TOX: variants seen among roughly 807,000 people sequenced by gnomAD.
TOX encodes the protein thymocyte selection associated high mobility group box, also known as thymocyte selection-associated high mobility group box protein TOX.
TOX carries 11 observed loss-of-function variants against 53.7 expected under a neutral mutation model. The observed-to-expected ratio is 0.20, with a 90% CI of 0.13 to 0.34. TOX has a LOEUF of 0.34. TOX is among the 10% of genes least tolerant of loss of function. The pLI is 1.00. For synonymous variants in TOX, 225 were observed against 245.3 expected (o/e 0.92, Z 0.77); for missense variants, 570 against 664.6 (o/e 0.86, Z 1.56).
chr8:59,109,505 T>C (rs1231836552), intron 1 of TOX, among the ~76,000 whole-genome samples: 1 of 152,082 alleles, frequency 6.6e-6, no homozygotes, highest in Non-Finnish European at 1.5e-5. Context: ...CTTTGCTATG[T>C]TGATTAGTGG....
intron 1 of TOX, among the ~76,000 whole-genome samples, chr8:59,110,298 C>A (rs1383060185): frequency 2.0e-5 from 3 of 152,070 alleles, no homozygotes; most frequent in Non-Finnish European, 2.9e-5. Flanking sequence ...GGTTATCCTG[C>A]CTCTTTATTA....
At chr8:58,880,332 T>A (rs1413702764) in intron 3 of TOX, among the ~76,000 whole-genome samples, 6 of 152,200 alleles carry the variant, frequency 3.9e-5, no homozygotes, top group African/African-American at 1.4e-4. Flanking sequence ...AAATGTAAGA[T>A]GGGACATCAT....
In TOX at chr8:58,851,162, C is replaced by CTG. The variant is rs1810809532; in HGVS notation, c.693+361_693+362insCA. ...ATACATCTCCTCTCTCTCTCTGTCT[C>CTG]TCTCTCTCTCTCTCTCTCTCTCTCA... On this transcript the variant is annotated intron_variant, in intron 4 of 8. Coordinates refer to ENST00000361421, the MANE Select transcript of TOX (RefSeq NM_014729.3). This position sits in a 1 kb window ranked among gnomAD's most constrained non-coding sequence, Gnocchi z 4.4. Among the ~76,000 whole-genome samples, 1 of 131,826 alleles carries CTG rather than the reference C, an allele frequency of 7.6e-6. No homozygotes were observed. The highest frequency in any genetic ancestry group is 3.2e-5 in the African/African-American group (1 of 31,350). The allele number at this position is 131,826 out of a possible 152,430, so 86.5% of individuals were successfully genotyped here.
intron 3 of TOX, among the ~76,000 whole-genome samples, chr8:58,867,370 G>A (rs988544575): frequency 1.3e-5 from 2 of 152,180 alleles, no homozygotes; most frequent in African/African-American, 2.4e-5. Flanking sequence ...TGCTCACAAG[G>A]TATAGCACAT....
In TOX at chr8:58,984,737, C is replaced by T. The variant is rs994519582; in HGVS notation, c.103-24729G>A. The stretch of plus-strand genomic sequence containing the variant: ...GGCGGAGCTTGCAGGGAGCCAAGAC[C>T]GCGCCACTGCACTCCAGCCTGGGCG... On this transcript the variant is annotated intron_variant, in intron 1 of 8. Coordinates refer to ENST00000361421, the MANE Select transcript of TOX (RefSeq NM_014729.3). Among the ~76,000 whole-genome samples, 10 of 148,112 alleles carry T rather than the reference C, an allele frequency of 6.8e-5. No homozygotes were observed. The Admixed American group carries it at 6.8e-4, about 10-fold the overall frequency.
chr8:58,808,316 A>G lies in TOX; in HGVS notation c.1393-47T>C, dbSNP rs1353304137. The G allele has an allele frequency of 2.5e-6, 4 of 1,570,420 alleles. No individual in the cohort carries two copies. In the Admixed American group the frequency reaches 7.5e-5, roughly 29 times the overall value. Reference sequence around the variant, plus strand: ...CAAATAAGGATCAAAATGCATTTTAAGAAGAAAAGCACCTAAATATTTATT... The same window carrying G: ...CAAATAAGGATCAAAATGCATTTTAGGAAGAAAAGCACCTAAATATTTATT... On this transcript the variant is annotated intron_variant, in intron 7 of 8. Coordinates refer to ENST00000361421, the MANE Select transcript of TOX (RefSeq NM_014729.3).
At chr8:58,963,255 A>G (rs1405748759) in intron 1 of TOX, among the ~76,000 whole-genome samples, 2 of 151,986 alleles carry the variant, frequency 1.3e-5, no homozygotes, top group Admixed American at 6.6e-5. Flanking sequence ...TAATCATGTC[A>G]GCCAATTCCT....
At chr8:59,028,946 G>C (rs1486489488) in intron 1 of TOX, among the ~76,000 whole-genome samples, 1 of 152,062 alleles carries the variant, frequency 6.6e-6, no homozygotes, top group African/African-American at 2.4e-5. Context: ...AGCAAACCTT[G>C]AGGTTCACAA....
At chr8:59,051,872 G>T (rs976787969) in intron 1 of TOX, among the ~76,000 whole-genome samples, 12 of 152,086 alleles carry the variant, frequency 7.9e-5, no homozygotes, top group African/African-American at 2.7e-4. Flanking sequence ...AAATGGAGAA[G>T]TTTATCAGCT....
At chr8:58,841,939 T>C (rs1255761283) in intron 4 of TOX, among the ~76,000 whole-genome samples, 1 of 152,230 alleles carries the variant, frequency 6.6e-6, no homozygotes, top group Non-Finnish European at 1.5e-5. Context: ...AAAAAATTAA[T>C]GATCTGACAC....
At chr8:59,097,065 G>T (rs1804724048) in intron 1 of TOX, among the ~76,000 whole-genome samples, 1 of 152,160 alleles carries the variant, frequency 6.6e-6, no homozygotes, top group Non-Finnish European at 1.5e-5. Context: ...GGACTCATTG[G>T]TGACTGGAGG....
intron 2 of TOX, among the ~76,000 whole-genome samples, chr8:58,942,554 G>A (rs1812460148): frequency 2.0e-5 from 3 of 152,108 alleles, no homozygotes; most frequent in Non-Finnish European, 2.9e-5. Flanking sequence ...AGTGGTAATT[G>A]TATAAATGCC....
At chr8:59,076,056 A>G (rs1804288058) in intron 1 of TOX, among the ~76,000 whole-genome samples, 1 of 151,294 alleles carries the variant, frequency 6.6e-6, no homozygotes, top group Non-Finnish European at 1.5e-5. Context: ...GAGGGAAGGG[A>G]GAGCTCAGGA....
At chr8:59,079,373 C>T (rs1011097383) in intron 1 of TOX, among the ~76,000 whole-genome samples, 2 of 152,152 alleles carry the variant, frequency 1.3e-5, no homozygotes, top group African/African-American at 4.8e-5. Flanking sequence ...CCATCACAGG[C>T]CCAGAAGCCT....
chr8:58,855,858 G>A (rs571273616), intron 3 of TOX, among the ~76,000 whole-genome samples: 3 of 151,986 alleles, frequency 2.0e-5, no homozygotes, highest in Non-Finnish European at 2.9e-5. Context: ...CTTTGTTTAC[G>A]CTGCTCTGTC....
chr8:59,076,624 T>A (rs906335482), intron 1 of TOX, among the ~76,000 whole-genome samples: 1 of 152,202 alleles, frequency 6.6e-6, no homozygotes, highest in South Asian at 2.1e-4. Context: ...ACACAGCTGA[T>A]TTTTTATGTT....
At chr8:58,974,143 G>A (rs1207406053) in intron 1 of TOX, among the ~76,000 whole-genome samples, 1 of 152,132 alleles carries the variant, frequency 6.6e-6, no homozygotes, top group Non-Finnish European at 1.5e-5. Flanking sequence ...AGCCTGGGGA[G>A]GGCACTTAAC....
intron 1 of TOX, among the ~76,000 whole-genome samples, chr8:59,047,601 T>C (rs1328060661): frequency 1.3e-5 from 2 of 151,724 alleles, no homozygotes; most frequent in Non-Finnish European, 2.9e-5. Context: ...TCCACTATGT[T>C]GTCCCGGCTG....
At chr8:58,969,627 C>G (rs1812966304) in intron 1 of TOX, among the ~76,000 whole-genome samples, 1 of 152,154 alleles carries the variant, frequency 6.6e-6, no homozygotes, top group Non-Finnish European at 1.5e-5. Context: ...GTCCCCTTCA[C>G]AAGGCATATG....
Sources: allele counts gnomAD v4.1 joint callset (sites outside exome capture counted in the v4.1 genomes callset), GRCh38; gene constraint gnomAD v4.1.1; non-coding constraint Gnocchi (gnomAD v3.1); transcripts MANE v1.5; gene names NCBI Gene and HGNC (gene_info 2026-07-23, HGNC 2026-07-21).